KCNIP4: variants seen among roughly 807,000 people sequenced by gnomAD.
KCNIP4 encodes the protein Kv channel-interacting protein 4.
A neutral mutation model predicts 34.0 loss-of-function variants in KCNIP4; 12 were observed. The observed-to-expected ratio is 0.35, with a 90% CI of 0.23 to 0.57. KCNIP4 has a LOEUF of 0.57. Among genes scored for constraint, KCNIP4 ranks in the 20% least tolerant of loss-of-function variants. The pLI is 0.83. For synonymous variants in KCNIP4, 124 were observed against 102.2 expected, an observed-to-expected ratio of 1.21 and a Z score of -1.29; for missense variants, 238 against 311.7, an observed-to-expected ratio of 0.76 and a Z score of 1.78.
intron 1 of KCNIP4, among the ~76,000 whole-genome samples, chr4:21,013,124 A>G (rs1203582511): frequency 6.6e-6 from 1 of 152,228 alleles, no homozygotes; most frequent in Non-Finnish European, 1.5e-5. Context: ...ATTTCTGGAC[A>G]GCAGGAAAGG....
chr4:20,734,815 G>A, intron 5 of KCNIP4, 80 bp from the exon 6 acceptor site: 1 of 705,696 alleles, frequency 1.4e-6, no homozygotes, highest in Non-Finnish European at 2.3e-6. Context: ...GTAAGTAAGG[G>A]CTACAACCCT....
chr4:20,845,763 C>G (rs149569218), intron 3 of KCNIP4, among the ~76,000 whole-genome samples: 1,908 of 152,246 alleles, frequency 0.013, 21 homozygotes, highest in Non-Finnish European at 0.018. Flanking sequence ...CAAGTAGCCT[C>G]TAGGGGCTGC....
rs1469316446 is a variant in KCNIP4 at position 21,827,970 on chromosome 4, G to A, written c.61+120601C>T. Among the ~76,000 whole-genome samples the A allele has an allele frequency of 5.4e-5, 8 of 149,486 alleles. No homozygotes were observed. The East Asian group carries it at 5.9e-4, about 11-fold the overall frequency. On this transcript the variant is annotated intron_variant, in intron 1 of 8. Coordinates refer to ENST00000382152, the MANE Select transcript of KCNIP4 (RefSeq NM_025221.6). ...TACAAAATTTTGGGTAAAACGAGCC[G>A]CTCTAACTTATAAACAGGAAAAAAG...
chr4:20,955,790 A>T (rs772390321), intron 1 of KCNIP4, among the ~76,000 whole-genome samples: 1 of 152,206 alleles, frequency 6.6e-6, no homozygotes, highest in Non-Finnish European at 1.5e-5. Context: ...TGGACAAATT[A>T]TATGCCTAAA....
intron 5 of KCNIP4, among the ~76,000 whole-genome samples, chr4:20,737,117 A>G (rs978115998): frequency 6.6e-5 from 10 of 152,086 alleles, no homozygotes; most frequent in African/African-American, 2.2e-4. Flanking sequence ...TTTGCTTCCC[A>G]TTGGCATGAA....
chr4:21,413,333 C>T (rs1724672266), intron 1 of KCNIP4, among the ~76,000 whole-genome samples: 1 of 152,078 alleles, frequency 6.6e-6, no homozygotes, highest in Non-Finnish European at 1.5e-5. Flanking sequence ...AACTTTGATC[C>T]CTAGCCCTGA....
At chr4:21,624,917 G>T (rs1181438124) in intron 1 of KCNIP4, among the ~76,000 whole-genome samples, 1 of 152,012 alleles carries the variant, frequency 6.6e-6, no homozygotes, top group East Asian at 1.9e-4. Flanking sequence ...TTCCCCTTCT[G>T]CTAGCTCCAA....
intron 1 of KCNIP4, among the ~76,000 whole-genome samples, chr4:21,219,685 G>T (rs1757849652): frequency 6.6e-6 from 1 of 152,112 alleles, no homozygotes; most frequent in Non-Finnish European, 1.5e-5. Flanking sequence ...AGATAGAAAA[G>T]CACCACAACA....
At chr4:21,206,421 A>C (rs758934810) in intron 1 of KCNIP4, among the ~76,000 whole-genome samples, 1 of 152,182 alleles carries the variant, frequency 6.6e-6, no homozygotes, top group Non-Finnish European at 1.5e-5. Context: ...TTGAAAATAC[A>C]TTATGGAGAG....
At chr4:21,017,368 T>A (rs187809026) in intron 1 of KCNIP4, among the ~76,000 whole-genome samples, 24 of 152,252 alleles carry the variant, frequency 1.6e-4, no homozygotes, top group Non-Finnish European at 2.9e-4. Flanking sequence ...CAGGCTCTAG[T>A]GTGTGTTGTT....
chr4:21,263,207 T>A (rs1316740078), intron 1 of KCNIP4, among the ~76,000 whole-genome samples: 1 of 152,198 alleles, frequency 6.6e-6, no homozygotes, highest in Non-Finnish European at 1.5e-5. Context: ...ATACACTATA[T>A]GCCAGGCAGC....
At chr4:20,777,393 T>A (rs1027059576) in intron 3 of KCNIP4, among the ~76,000 whole-genome samples, 1 of 152,070 alleles carries the variant, frequency 6.6e-6, no homozygotes, top group African/African-American at 2.4e-5. Context: ...CAAGATGAGA[T>A]TTGGGAAGGG....
intron 1 of KCNIP4, among the ~76,000 whole-genome samples, chr4:21,622,344 G>GT: frequency 6.6e-6 from 1 of 152,258 alleles, no homozygotes; most frequent in African/African-American, 2.4e-5. Context: ...TGTATAATCA[G>GT]TTTTTCCATG....
In KCNIP4 at chr4:21,135,704, A is replaced by G. The variant is rs183628294; in HGVS notation, c.62-252995T>C. Reference sequence around the variant, plus strand: ...GTTTTTGATTATTCAGAATATTTGCATACAAAGTGTCCTTCATGAGCAGCA... The same window carrying G: ...GTTTTTGATTATTCAGAATATTTGCGTACAAAGTGTCCTTCATGAGCAGCA... On this transcript the variant is annotated intron_variant, in intron 1 of 8. Coordinates refer to ENST00000382152, the MANE Select transcript of KCNIP4 (RefSeq NM_025221.6). 2.5e-4 allele frequency among the ~76,000 whole-genome samples: 38 copies of G among 152,322 alleles called. 2 individuals are homozygous for G. In the South Asian group the frequency reaches 7.5e-3, roughly 30 times the overall value.
At chr4:21,233,970 A>G (rs1759008965) in intron 1 of KCNIP4, among the ~76,000 whole-genome samples, 1 of 137,746 alleles carries the variant, frequency 7.3e-6, no homozygotes, top group Non-Finnish European at 1.5e-5. Flanking sequence ...AACATATATT[A>G]TATAACATAT....
intron 3 of KCNIP4, among the ~76,000 whole-genome samples, chr4:20,797,512 G>A (rs1319183477): frequency 3.3e-5 from 5 of 152,150 alleles, no homozygotes; most frequent in Admixed American, 1.3e-4. Context: ...TTTCCTCTGC[G>A]ATTAAGTAAA....
chr4:21,590,025 G>A (rs963246322), intron 1 of KCNIP4, among the ~76,000 whole-genome samples: 2 of 151,950 alleles, frequency 1.3e-5, no homozygotes, highest in East Asian at 1.9e-4. Context: ...GCAAATCAGA[G>A]GGTAGGAAAA....
chr4:21,255,265 T>G (rs1760987226), intron 1 of KCNIP4, among the ~76,000 whole-genome samples: 1 of 120,758 alleles, frequency 8.3e-6, no homozygotes, highest in Admixed American at 9.0e-5. Context: ...ATATGACCTT[T>G]GATTAAACAT....
rs185043875 is a variant in KCNIP4 at position 21,384,634 on chromosome 4, C to T, written c.62-501925G>A. 2.6e-4 allele frequency among the ~76,000 whole-genome samples: 39 copies of T among 152,312 alleles called. No individual in the cohort carries two copies. The East Asian group carries it at 7.3e-3, about 29-fold the overall frequency. ...ACACATTGAACATTTACCGTGTGCTCACATATCACAGTGAATCAGAAAGGA... is the reference window on the plus strand; with the variant it reads ...ACACATTGAACATTTACCGTGTGCTTACATATCACAGTGAATCAGAAAGGA... On this transcript the variant is annotated intron_variant, in intron 1 of 8. Transcript: ENST00000382152.
Sources: gnomAD v4.1 joint callset for allele counts (sites outside exome capture counted in the v4.1 genomes callset) on GRCh38, gnomAD v4.1.1 for gene constraint, MANE v1.5 for transcripts, NCBI Gene and HGNC (gene_info 2026-07-23, HGNC 2026-07-21) for gene names.